Variants in SDK1 observed in about 807,000 individuals in gnomAD.
The protein encoded by SDK1 is protein sidekick-1.
SDK1 carries 157 observed loss-of-function variants against 245.5 expected under a neutral mutation model. That is an observed-to-expected ratio of 0.64 (90% CI 0.56 to 0.73). The LOEUF is 0.73. SDK1 is among the 30% of genes least tolerant of loss of function. The pLI, the probability that SDK1 is intolerant of heterozygous loss-of-function variation, is 0.00. For synonymous variants in SDK1, 1,647 were observed against 1,278.5 expected (o/e 1.29, Z -6.15); for missense variants, 3,583 against 3,002.3 (o/e 1.19, Z -4.52).
rs1218824794 is a variant in SDK1, at chr7:4,217,638, CTGGAGCACCAGGCCACT to C, written c.5540-2468_5540-2452del. 3.9e-5 allele frequency among the ~76,000 whole-genome samples: 6 copies of C among 151,980 alleles called. No individual in the cohort carries two copies. In the East Asian group the frequency reaches 5.8e-4, roughly 15 times the overall value. ...CACACCACCCGGAGCACCAGGCCAC[CTGGAGCACCAGGCCACT>C]TGAGCACTCAGCCATGTGCTTGGGA... On this transcript the variant is annotated intron_variant, in intron 38 of 44. Coordinates refer to ENST00000404826, the MANE Select transcript of SDK1 (RefSeq NM_152744.4).
intron 1 of SDK1, among the ~76,000 whole-genome samples, chr7:3,617,482 A>T (rs1180105832): frequency 6.6e-6 from 1 of 152,250 alleles, no homozygotes; most frequent in African/African-American, 2.4e-5. Context: ...GGAAAGACCA[A>T]GTGGGAAGGC....
chr7:3,475,772 A>G (rs1250869220), intron 1 of SDK1, among the ~76,000 whole-genome samples: 3 of 152,180 alleles, frequency 2.0e-5, no homozygotes, highest in African/African-American at 4.8e-5. Context: ...TTTGTACAAG[A>G]CAGTCTTCCA....
intron 1 of SDK1, among the ~76,000 whole-genome samples, chr7:3,505,928 C>T (rs536816290): frequency 1.3e-5 from 2 of 152,092 alleles, no homozygotes; most frequent in Non-Finnish European, 2.9e-5. Flanking sequence ...TGTGCAATTA[C>T]TGTTATGCAT....
intron 4 of SDK1, among the ~76,000 whole-genome samples, chr7:3,674,961 G>C (rs11766767): frequency 0.22 from 32,746 of 152,128 alleles, 4,422 homozygotes; most frequent in Non-Finnish European, 0.3. Flanking sequence ...TAGAAGCATA[G>C]TGACCTGAGG....
intron 1 of SDK1, among the ~76,000 whole-genome samples, chr7:3,582,035 C>T (rs763949695): frequency 6.7e-6 from 1 of 150,080 alleles, no homozygotes; most frequent in African/African-American, 2.5e-5. Flanking sequence ...GTAGATCTGT[C>T]TCAGGTAGGT....
At position 3,949,316 on chromosome 7, in the gene SDK1, T is replaced by G. The variant is rs10275906; in HGVS notation, c.848-1607T>G. Among the ~76,000 whole-genome samples the G allele has an allele frequency of 4.9e-3, 747 of 152,364 alleles. 8 individuals are homozygous for G. Among genetic ancestry groups the G allele is most frequent in the African/African-American group, 0.017 (715 of 41,584 alleles). On this transcript the variant is annotated intron_variant, in intron 5 of 44. Coordinates refer to ENST00000404826, the MANE Select transcript of SDK1 (RefSeq NM_152744.4). ...CTGCATCAGGCTTCTGTTTTTCTTT[T>G]AGAATTCACATGCACGTTTAATACA... is the stretch of plus-strand genomic sequence containing the variant.
intron 4 of SDK1, among the ~76,000 whole-genome samples, chr7:3,663,796 G>A (rs1044118926): frequency 6.6e-6 from 1 of 152,134 alleles, no homozygotes; most frequent in Non-Finnish European, 1.5e-5. Flanking sequence ...AAGGAAGTAT[G>A]GAAAGTAGAA....
Position 3,660,521 on chromosome 7 carries a change from A to C in SDK1, c.713+18416A>C, listed in dbSNP as rs147377365. Among the ~76,000 whole-genome samples the C allele has an allele frequency of 5.3e-5, 8 of 152,296 alleles. No individual in the cohort carries two copies. The East Asian group carries it at 1.5e-3, about 29-fold the overall frequency. On this transcript the variant is annotated intron_variant, in intron 4 of 44. Transcript: ENST00000404826. ...GAGATGGGAGAGCCTATCTTTCCAT[A>C]TCTTTTGTCACCTTTTGAGTAAAAC...
Position 4,268,086 on chromosome 7 carries a change from G to A in SDK1, c.*2702G>A. On this transcript the variant is annotated 3_prime_UTR_variant, in exon 45 of 45. Coordinates refer to ENST00000404826, the MANE Select transcript of SDK1 (RefSeq NM_152744.4). ...GGACAAACAAAATGTCTCTAAGCCA[G>A]GCTAGATGGAATGTGCTCCCGCTCT... 1.0e-6 allele frequency: 1 copy of A among 985,540 alleles called. No individual in the cohort carries two copies. Among genetic ancestry groups the A allele is most frequent in the South Asian group, 4.7e-5 (1 of 21,296 alleles). 61.0% of individuals were successfully genotyped at this position (985,540 alleles called of 1,614,324 possible).
intron 44 of SDK1, among the ~76,000 whole-genome samples, chr7:4,264,358 G>T (rs1441465609): frequency 6.8e-6 from 1 of 147,948 alleles, no homozygotes; most frequent in East Asian, 2.1e-4. Flanking sequence ...TGAGGAGGCC[G>T]TGTAGATCTC....
At position 3,389,758 on chromosome 7, in the gene SDK1, CAAA is replaced by C. The variant is rs549378433; in HGVS notation, c.298+87877_298+87879del. On this transcript the variant is annotated intron_variant, in intron 1 of 44. Coordinates refer to ENST00000404826, the MANE Select transcript of SDK1 (RefSeq NM_152744.4). ...CCACAGCCTGGGCAACAGAAATAAACAAAAACAAAAAACTAACGTGGAAGTTGG... is the reference window on the plus strand; with the variant it reads ...CCACAGCCTGGGCAACAGAAATAAACAACAAAAAACTAACGTGGAAGTTGG... Among the ~76,000 whole-genome samples, 679 of 101,780 alleles carry C rather than the reference CAAA, an allele frequency of 6.7e-3. 1 individual carries two copies. The highest frequency in any genetic ancestry group is 0.01 in the Non-Finnish European group (480 of 47,876). The allele number at this position is 101,780 out of a possible 152,430, so 66.8% of individuals were successfully genotyped here. A position where few individuals can be genotyped will look rare whatever the true frequency, so the allele number is the denominator to read the frequency against.
chr7:4,174,777 G>A (rs757381327), intron 33 of SDK1, among the ~76,000 whole-genome samples: 22 of 152,128 alleles, frequency 1.4e-4, no homozygotes, highest in African/African-American at 3.6e-4. Context: ...GCTCACCCCC[G>A]GGCTGATTTT....
Position 4,158,534 on chromosome 7 carries a change from T to TGACCAC in SDK1, c.4714_4719dup (p.Thr1572_Thr1573dup). 2 of 1,613,364 alleles carry TGACCAC rather than the reference T, an allele frequency of 1.2e-6. No individual in the cohort carries two copies. The highest frequency in any genetic ancestry group is 1.7e-6 in the Non-Finnish European group (2 of 1,179,732). ...GACTTCAGTTCAGAGACAGAGGCGG[T>TGACCAC]GACCACGCTGCAGGATGGTGAGCAA... On this transcript the variant is annotated inframe_insertion, in exon 31 of 45. Transcript: ENST00000404826.
intron 40 of SDK1, chr7:4,227,568 G>T (rs1396126818): frequency 2.7e-5 from 11 of 412,702 alleles, no homozygotes; most frequent in South Asian, 1.8e-4. Flanking sequence ...GCTTGCATTT[G>T]CTCTGAGCTG....
chr7:3,818,567 T>A (rs1408655500), intron 4 of SDK1, among the ~76,000 whole-genome samples: 1 of 152,214 alleles, frequency 6.6e-6, no homozygotes, highest in African/African-American at 2.4e-5. Flanking sequence ...CATAGAACCC[T>A]TAAATCCAAA....
At chr7:3,723,476 G>T (rs796729015) in intron 4 of SDK1, among the ~76,000 whole-genome samples, 3 of 152,138 alleles carry the variant, frequency 2.0e-5, no homozygotes, top group Non-Finnish European at 4.4e-5. Context: ...TATTTCTTCA[G>T]TTTTTCTTTA....
chr7:3,956,310 G>T (rs971397729), intron 7 of SDK1, among the ~76,000 whole-genome samples: 1 of 152,182 alleles, frequency 6.6e-6, no homozygotes, highest in Non-Finnish European at 1.5e-5. Flanking sequence ...ACGGTCCATA[G>T]GCTTGGCATT....
chr7:3,581,631 G>T (rs1406306285), intron 1 of SDK1, among the ~76,000 whole-genome samples: 1 of 152,102 alleles, frequency 6.6e-6, no homozygotes, highest in Admixed American at 6.5e-5. Context: ...TTCAACCCAG[G>T]AATCCCATTA....
At chr7:3,420,942 TC>T (rs1281893562) in intron 1 of SDK1, among the ~76,000 whole-genome samples, 1 of 152,168 alleles carries the variant, frequency 6.6e-6, no homozygotes, top group Non-Finnish European at 1.5e-5. Flanking sequence ...TGTGTGTTGT[TC>T]CCCTCCCTGT....
Sources: allele counts gnomAD v4.1 joint callset (sites outside exome capture counted in the v4.1 genomes callset), GRCh38; gene constraint gnomAD v4.1.1; transcripts MANE v1.5; gene names NCBI Gene and HGNC (gene_info 2026-07-23, HGNC 2026-07-21).